The following EEFSEC variants were observed in gnomAD, a reference collection of about 807,000 sequenced individuals.
EEFSEC encodes eukaryotic elongation factor, selenocysteine-tRNA specific.
A neutral mutation model predicts 42.1 loss-of-function variants in EEFSEC; 43 were observed. The ratio of observed to expected loss-of-function variants is 1.02; its 90% CI spans 0.80 to 1.32. The LOEUF (loss-of-function observed/expected upper bound fraction) is 1.32. Among genes scored for constraint, EEFSEC ranks in the 40% most tolerant of loss-of-function variants. The pLI is 0.00. For missense variants in EEFSEC, 745 were observed against 803.6 expected (o/e 0.93, Z 0.88); for synonymous variants, 354 against 339.1 (o/e 1.04, Z -0.48).
intron 1 of EEFSEC, among the ~76,000 whole-genome samples, chr3:128,170,588 A>C (rs996208540): frequency 1.8e-4 from 28 of 152,150 alleles, no homozygotes; most frequent in Non-Finnish European, 2.5e-4. Context: ...TACTTTCAGC[A>C]ACACCCCCAG....
At chr3:128,336,778 A>G (rs1305068185) in intron 4 of EEFSEC, 1 of 152,102 alleles carries the variant, frequency 6.6e-6, no homozygotes, top group Non-Finnish European at 1.5e-5. Flanking sequence ...TACCTCCCAC[A>G]GTTTCATAAT....
At chr3:128,243,817 C>T (rs2066098929) in intron 1 of EEFSEC, among the ~76,000 whole-genome samples, 1 of 152,084 alleles carries the variant, frequency 6.6e-6, no homozygotes. Flanking sequence ...CCCCACTGGG[C>T]AGGGCGGGCT....
chr3:128,322,523 C>T (rs1444522637), intron 4 of EEFSEC, among the ~76,000 whole-genome samples: 1 of 152,216 alleles, frequency 6.6e-6, no homozygotes, highest in Non-Finnish European at 1.5e-5. Context: ...GCCTTGAGAA[C>T]CTAAAGACAC....
At chr3:128,179,110 A>G (rs2065379587) in intron 1 of EEFSEC, among the ~76,000 whole-genome samples, 3 of 152,336 alleles carry the variant, frequency 2.0e-5, no homozygotes, top group African/African-American at 7.2e-5. Context: ...GTCTACTAAA[A>G]TAAATAAAAA....
chr3:128,364,141 GTAAA>G (rs2067560731), intron 6 of EEFSEC, among the ~76,000 whole-genome samples: 1 of 152,186 alleles, frequency 6.6e-6, no homozygotes, highest in Non-Finnish European at 1.5e-5. Context: ...CTACAAAAAT[GTAAA>G]TAAATTAATC....
intron 1 of EEFSEC, among the ~76,000 whole-genome samples, chr3:128,236,179 C>T (rs1298572456): frequency 3.3e-5 from 5 of 152,168 alleles, no homozygotes; most frequent in Non-Finnish European, 5.9e-5. Flanking sequence ...TTCACCACAT[C>T]GGCCAGGCTG....
intron 4 of EEFSEC, among the ~76,000 whole-genome samples, chr3:128,282,864 G>C (rs1265700103): frequency 6.6e-6 from 1 of 152,222 alleles, no homozygotes; most frequent in Non-Finnish European, 1.5e-5. Flanking sequence ...GACTTCACAG[G>C]CTTTGTGCCA....
chr3:128,197,344 C>T (rs936046297), intron 1 of EEFSEC, among the ~76,000 whole-genome samples: 3 of 152,158 alleles, frequency 2.0e-5, no homozygotes, highest in Non-Finnish European at 2.9e-5. Context: ...GATCTCGGCT[C>T]ACTGCAACCT....
intron 1 of EEFSEC, among the ~76,000 whole-genome samples, chr3:128,161,289 G>T (rs1394802592): frequency 1.3e-5 from 2 of 152,176 alleles, no homozygotes; most frequent in Non-Finnish European, 2.9e-5. Flanking sequence ...GGGTGTGAGG[G>T]ACTTAGACTC....
intron 4 of EEFSEC, among the ~76,000 whole-genome samples, chr3:128,330,632 T>C (rs545083195): frequency 6.6e-6 from 1 of 152,154 alleles, no homozygotes; most frequent in Admixed American, 6.5e-5. Context: ...GCAGTGTTCC[T>C]GTGGGGCTCC....
intron 1 of EEFSEC, among the ~76,000 whole-genome samples, chr3:128,217,686 C>G (rs1157644978): frequency 6.6e-6 from 1 of 152,162 alleles, no homozygotes; most frequent in Non-Finnish European, 1.5e-5. Flanking sequence ...GCACCAGCCC[C>G]CCCTGGTCCC....
At chr3:128,216,773 G>A (rs551527000) in intron 1 of EEFSEC, among the ~76,000 whole-genome samples, 26 of 152,362 alleles carry the variant, frequency 1.7e-4, no homozygotes, top group African/African-American at 6.3e-4. Flanking sequence ...GAGCACTCTT[G>A]GGACAGATCT....
chr3:128,160,792 G>A (rs1559848226), intron 1 of EEFSEC, among the ~76,000 whole-genome samples: 4 of 151,848 alleles, frequency 2.6e-5, no homozygotes, highest in South Asian at 4.2e-4. Context: ...CACTGTGTGC[G>A]CACACACACG....
intron 4 of EEFSEC, among the ~76,000 whole-genome samples, chr3:128,299,622 G>A (rs1481625843): frequency 6.6e-6 from 1 of 152,094 alleles, no homozygotes; most frequent in Non-Finnish European, 1.5e-5. Context: ...CTGACACATG[G>A]GGAAGGCCTG....
chr3:128,344,835 T>G (rs1333962089), intron 5 of EEFSEC, among the ~76,000 whole-genome samples: 1 of 152,214 alleles, frequency 6.6e-6, no homozygotes, highest in African/African-American at 2.4e-5. Flanking sequence ...CAGGTTGTTT[T>G]GAAAGAGCCA....
chr3:128,169,262 T>G (rs1211801945), intron 1 of EEFSEC, among the ~76,000 whole-genome samples: 1 of 152,106 alleles, frequency 6.6e-6, no homozygotes, highest in Admixed American at 6.5e-5. Flanking sequence ...TGGGAGGTGT[T>G]CCAGACCAAA....
chr3:128,334,003 T>C (rs892120531), intron 4 of EEFSEC, among the ~76,000 whole-genome samples: 2 of 152,012 alleles, frequency 1.3e-5, no homozygotes, highest in African/African-American at 4.8e-5. Flanking sequence ...ACAGGAAACA[T>C]GGGAGGTTGG....
chr3:128,280,587 T>C (rs2811525), intron 4 of EEFSEC, among the ~76,000 whole-genome samples: 128,083 of 152,150 alleles, frequency 0.84, 54,347 homozygotes, highest in East Asian at 0.99. Context: ...TGGATGCCAC[T>C]ACTGGGCTTC....
At chr3:128,411,117 G>A (rs556793061), downstream of EEFSEC, among the ~76,000 whole-genome samples, 32 of 152,358 alleles carry the variant, frequency 2.1e-4, no homozygotes, top group Admixed American at 1.6e-3. Flanking sequence ...GCCAGGGCGC[G>A]CAGCCTTTGA....
Sources: gnomAD v4.1 joint callset for allele counts (sites outside exome capture counted in the v4.1 genomes callset) on GRCh38, gnomAD v4.1.1 for gene constraint, MANE v1.5 for transcripts, NCBI Gene and HGNC (gene_info 2026-07-23, HGNC 2026-07-21) for gene names.